The following LRBA variants were observed in gnomAD, a reference collection of about 807,000 sequenced individuals.
The protein encoded by LRBA is LPS responsive beige-like anchor protein, also known as lipopolysaccharide-responsive and beige-like anchor protein.
In LRBA, 176 loss-of-function variants were observed where a neutral mutation model predicts 330.0. The ratio of observed to expected loss-of-function variants is 0.53; its 90% CI spans 0.47 to 0.60. LRBA has a LOEUF of 0.60. Among genes scored for constraint, LRBA ranks in the 20% least tolerant of loss-of-function variants. LRBA has a pLI of 0.00. For synonymous variants in LRBA, 1,230 were observed against 1,193.0 expected (o/e 1.03, Z -0.64); for missense variants, 3,259 against 3,444.8 (o/e 0.95, Z 1.35).
intron 45 of LRBA, 83 bp downstream of exon 45, chr4:150,436,641 T>C (rs1326021144): frequency 8.7e-7 from 1 of 1,151,196 alleles, no homozygotes; most frequent in African/African-American, 1.6e-5. Context: ...TTCAAAAAAA[T>C]ATGCTTATGA....
intron 52 of LRBA, among the ~76,000 whole-genome samples, chr4:150,308,261 T>G (rs1730611487): frequency 6.6e-6 from 1 of 152,202 alleles, no homozygotes; most frequent in African/African-American, 2.4e-5. Context: ...TATATGATGG[T>G]GGTCCCATGA....
intron 40 of LRBA, among the ~76,000 whole-genome samples, chr4:150,531,269 C>A (rs1764028152): frequency 6.6e-6 from 1 of 152,206 alleles, no homozygotes; most frequent in Admixed American, 6.5e-5. Flanking sequence ...TCATCTTTCC[C>A]AGATTTTTTG....
intron 4 of LRBA, among the ~76,000 whole-genome samples, chr4:150,927,428 T>C (rs935912041): frequency 2.0e-5 from 3 of 148,634 alleles, no homozygotes; most frequent in Non-Finnish European, 3.0e-5. Context: ...GAAATTTCAG[T>C]GGATGGAATT....
At chr4:150,328,045 G>T (rs898602211) in intron 48 of LRBA, among the ~76,000 whole-genome samples, 3 of 152,118 alleles carry the variant, frequency 2.0e-5, no homozygotes, top group African/African-American at 7.2e-5. Context: ...GTAACAAAGA[G>T]ATGAATATGT....
At chr4:150,548,035 T>A (rs1766063980) in intron 40 of LRBA, among the ~76,000 whole-genome samples, 1 of 152,138 alleles carries the variant, frequency 6.6e-6, no homozygotes, top group Non-Finnish European at 1.5e-5. Flanking sequence ...ATTTTCCCTG[T>A]AAAGTAAGGA....
rs183876967 is a variant in LRBA, at chr4:150,592,512, C to G, written c.6047-1653G>C. On this transcript the variant is annotated intron_variant, in intron 38 of 56. Transcript: ENST00000651943. Reference sequence around the variant, plus strand: ...CTTTCTATATTTACCTTTAAATACACTCTATGGGTAAATAAAATCTTTCAT... The same window carrying G: ...CTTTCTATATTTACCTTTAAATACAGTCTATGGGTAAATAAAATCTTTCAT... Among the ~76,000 whole-genome samples, 856 of 152,128 alleles carry G rather than the reference C, an allele frequency of 5.6e-3. 5 individuals are homozygous for G. Among genetic ancestry groups the G allele is most frequent in the South Asian group, 0.012 (59 of 4,826 alleles).
chr4:150,914,126 C>G, intron 9 of LRBA, 69 bp downstream of exon 9: 1 of 1,274,420 alleles, frequency 7.8e-7, no homozygotes, highest in Non-Finnish European at 1.1e-6. Flanking sequence ...ACCAAACTCT[C>G]CATGTATAAC....
intron 37 of LRBA, among the ~76,000 whole-genome samples, chr4:150,619,277 G>A (rs1161233471): frequency 6.6e-6 from 1 of 152,060 alleles, no homozygotes; most frequent in Non-Finnish European, 1.5e-5. Context: ...TGGGAAAAAG[G>A]CTTGAGTTTT....
At chr4:150,391,941 A>G (rs532150258) in intron 47 of LRBA, among the ~76,000 whole-genome samples, 1 of 150,298 alleles carries the variant, frequency 6.7e-6, no homozygotes, top group Non-Finnish European at 1.5e-5. Context: ...AAATCCTAAA[A>G]TAAGAATCTG....
intron 45 of LRBA, among the ~76,000 whole-genome samples, chr4:150,435,996 A>C (rs2151994052): frequency 6.6e-6 from 1 of 152,240 alleles, no homozygotes. Context: ...CATAAATTAG[A>C]TGTATTTTCT....
intron 2 of LRBA, among the ~76,000 whole-genome samples, chr4:151,012,472 A>T (rs550474346): frequency 6.6e-6 from 1 of 152,320 alleles, no homozygotes; most frequent in East Asian, 1.9e-4. Flanking sequence ...TGACATTTTA[A>T]AAAAGAACAA....
chr4:150,823,871 T>C (rs1426480614), intron 30 of LRBA, among the ~76,000 whole-genome samples: 3 of 152,098 alleles, frequency 2.0e-5, no homozygotes, highest in African/African-American at 7.2e-5. Context: ...GTAGTATAAT[T>C]TGAAGTTTTG....
chr4:150,383,027 A>C (rs1304623628), intron 47 of LRBA, among the ~76,000 whole-genome samples: 1 of 152,180 alleles, frequency 6.6e-6, no homozygotes, highest in Non-Finnish European at 1.5e-5. Context: ...AGGTTTATGA[A>C]TATTTATTTG....
intron 40 of LRBA, among the ~76,000 whole-genome samples, chr4:150,525,642 A>G (rs1189239755): frequency 1.3e-5 from 2 of 152,206 alleles, no homozygotes; most frequent in African/African-American, 4.8e-5. Flanking sequence ...ACAGGCTTGA[A>G]AAACCAGCAT....
At position 150,829,751 on chromosome 4, in the gene LRBA, T is replaced by C. The variant is rs150126148; in HGVS notation, c.4730-1130A>G. 1.7e-3 allele frequency among the ~76,000 whole-genome samples: 253 copies of C among 152,302 alleles called. 6 individuals are homozygous for C. In the East Asian group the frequency reaches 0.029, roughly 17 times the overall value. Reference sequence around the variant, plus strand: ...TATCATTCATTCTCCAAGTTTTAAATACCACTATATTTCCCCACCAAAAAA... The same window carrying C: ...TATCATTCATTCTCCAAGTTTTAAACACCACTATATTTCCCCACCAAAAAA... On this transcript the variant is annotated intron_variant, in intron 29 of 56. Coordinates refer to ENST00000651943, the MANE Select transcript of LRBA (RefSeq NM_001364905.1).
At chr4:150,382,479 T>C (rs9307876) in intron 47 of LRBA, among the ~76,000 whole-genome samples, 132,330 of 152,032 alleles carry the variant, frequency 0.87, 58,453 homozygotes, top group Non-Finnish European at 0.95. Context: ...AAAAATTAGC[T>C]GGGCATGGTG....
chr4:150,803,395 T>G (rs1195320107), intron 33 of LRBA, among the ~76,000 whole-genome samples: 1 of 151,972 alleles, frequency 6.6e-6, no homozygotes, highest in Admixed American at 6.6e-5. Flanking sequence ...TGAATATGGT[T>G]TGGATAGCTG....
At chr4:150,320,716 A>G (rs1732381899) in intron 50 of LRBA, among the ~76,000 whole-genome samples, 1 of 152,164 alleles carries the variant, frequency 6.6e-6, no homozygotes, top group African/African-American at 2.4e-5. Context: ...CTGAGGCAGG[A>G]GGATTGCTTG....
At chr4:150,727,805 A>G (rs534006399) in intron 36 of LRBA, among the ~76,000 whole-genome samples, 1 of 152,272 alleles carries the variant, frequency 6.6e-6, no homozygotes, top group South Asian at 2.1e-4. Context: ...CATCTTAAAG[A>G]ACTAGAAAAG....
Sources: allele counts gnomAD v4.1 joint callset (sites outside exome capture counted in the v4.1 genomes callset), GRCh38; gene constraint gnomAD v4.1.1; transcripts MANE v1.5; gene names NCBI Gene and HGNC (gene_info 2026-07-23, HGNC 2026-07-21).